Variants in MRPL13 observed in about 807,000 individuals in gnomAD.
The protein encoded by MRPL13 is large ribosomal subunit protein uL13m.
Under a neutral mutation model 29.0 loss-of-function variants are expected in MRPL13, and 33 were observed. The ratio of observed to expected loss-of-function variants is 1.14; its 90% confidence interval spans 0.86 to 1.52. The LOEUF is 1.52. Among genes scored for constraint, MRPL13 ranks in the 40% most tolerant of loss-of-function variants. The pLI is 0.00. For missense variants in MRPL13, 227 were observed against 216.7 expected, an observed-to-expected ratio of 1.05 and a Z score of -0.30; for synonymous variants, 77 against 68.4, an observed-to-expected ratio of 1.13 and a Z score of -0.62.
At chr8:120,438,883 T>A (rs571678245) in intron 2 of MRPL13, among the ~76,000 whole-genome samples, 2 of 152,368 alleles carry the variant, frequency 1.3e-5, no homozygotes, top group South Asian at 4.1e-4. Flanking sequence ...AACAACTCTA[T>A]AAATCGGTAA....
intron 6 of MRPL13, among the ~76,000 whole-genome samples, chr8:120,409,690 G>A (rs1586919521): frequency 6.6e-6 from 1 of 152,076 alleles, no homozygotes; most frequent in Admixed American, 6.6e-5. Flanking sequence ...CAAAATTTAT[G>A]TATCCATGAT....
At chr8:120,434,027 A>G (rs1344586373) in intron 2 of MRPL13, among the ~76,000 whole-genome samples, 2 of 152,096 alleles carry the variant, frequency 1.3e-5, no homozygotes, top group Non-Finnish European at 2.9e-5. Context: ...TTCTAACCTT[A>G]AACTTCTAAC....
chr8:120,407,094 C>T (rs1276379131), intron 6 of MRPL13, among the ~76,000 whole-genome samples: 1 of 152,148 alleles, frequency 6.6e-6, no homozygotes, highest in Non-Finnish European at 1.5e-5. Flanking sequence ...CTGCCTGCTA[C>T]TCATTAGATG....
intron 5 of MRPL13, chr8:120,415,300 T>C (rs901761036): frequency 2.0e-5 from 3 of 152,202 alleles, no homozygotes; most frequent in African/African-American, 4.8e-5. Flanking sequence ...CTTCTCATTA[T>C]AGTATGTGTA....
chr8:120,422,239 T>C (rs1321303108), intron 4 of MRPL13, among the ~76,000 whole-genome samples: 1 of 151,766 alleles, frequency 6.6e-6, no homozygotes, highest in Non-Finnish European at 1.5e-5. Context: ...TTTTTATTAT[T>C]TTAGGGAAAC....
At chr8:120,420,509 A>G (rs527488696) in intron 4 of MRPL13, among the ~76,000 whole-genome samples, 8 of 148,002 alleles carry the variant, frequency 5.4e-5, no homozygotes, top group Non-Finnish European at 1.0e-4. Flanking sequence ...ATATATATAT[A>G]TTTATGTTGT....
At chr8:120,416,325 T>C (rs910416087) in intron 5 of MRPL13, among the ~76,000 whole-genome samples, 2 of 151,958 alleles carry the variant, frequency 1.3e-5, no homozygotes, top group Admixed American at 1.3e-4. Context: ...AAACCCCGTC[T>C]CTACTAAAAA....
chr8:120,430,874 A>C lies in MRPL13; in HGVS notation c.245+1156T>G, dbSNP rs189848657. On this transcript the variant is annotated intron_variant, in intron 3 of 6. Transcript: ENST00000306185. Reference sequence around the variant, plus strand: ...TGCAGTAATACTACATATTATTGCTATAGTAATTACCATAGCATTTTGTGT... The same window carrying C: ...TGCAGTAATACTACATATTATTGCTCTAGTAATTACCATAGCATTTTGTGT... 2.4e-3 allele frequency among the ~76,000 whole-genome samples: 362 copies of C among 152,302 alleles called. 5 individuals carry two copies. The highest frequency in any genetic ancestry group is 0.021 in the Admixed American group (318 of 15,290).
chr8:120,398,719 C>T (rs1296157101), intron 6 of MRPL13, among the ~76,000 whole-genome samples: 1 of 152,128 alleles, frequency 6.6e-6, no homozygotes, highest in Non-Finnish European at 1.5e-5. Flanking sequence ...GCTAAAGGAG[C>T]ATGCTGTAAC....
At chr8:120,436,472 T>G (rs954601449) in intron 2 of MRPL13, among the ~76,000 whole-genome samples, 1 of 152,188 alleles carries the variant, frequency 6.6e-6, no homozygotes, top group African/African-American at 2.4e-5. Context: ...CATCTGTTCA[T>G]GTATTCTGCC....
intron 6 of MRPL13, among the ~76,000 whole-genome samples, chr8:120,412,382 A>G (rs1812748640): frequency 6.6e-6 from 1 of 152,208 alleles, no homozygotes; most frequent in Admixed American, 6.5e-5. Context: ...TAGCAAAAAA[A>G]TTCTCCTATT....
intron 6 of MRPL13, among the ~76,000 whole-genome samples, chr8:120,396,884 T>G (rs1281700001): frequency 6.6e-6 from 1 of 152,220 alleles, no homozygotes; most frequent in East Asian, 1.9e-4. Flanking sequence ...GATGACTGAT[T>G]AGAAGCAGCT....
At chr8:120,439,096 T>C (rs985284050) in intron 2 of MRPL13, among the ~76,000 whole-genome samples, 1 of 152,240 alleles carries the variant, frequency 6.6e-6, no homozygotes, top group Non-Finnish European at 1.5e-5. Context: ...TTTGCAGTCA[T>C]TCATGGACAT....
intron 6 of MRPL13, among the ~76,000 whole-genome samples, chr8:120,407,198 A>T (rs566308139): frequency 1.2e-4 from 18 of 152,354 alleles, no homozygotes; most frequent in Non-Finnish European, 2.2e-4. Context: ...AGAAGTCAAA[A>T]CATTTATATT....
intron 3 of MRPL13, among the ~76,000 whole-genome samples, chr8:120,430,041 C>G (rs1812980574): frequency 6.6e-6 from 1 of 152,160 alleles, no homozygotes; most frequent in Non-Finnish European, 1.5e-5. Flanking sequence ...GCAGGCAGAT[C>G]ACCTGATGTC....
chr8:120,407,247 G>A (rs1216752416), intron 6 of MRPL13, among the ~76,000 whole-genome samples: 2 of 151,998 alleles, frequency 1.3e-5, no homozygotes, highest in Non-Finnish European at 2.9e-5. Context: ...CTTAACATTA[G>A]GAAAAAACTT....
intron 3 of MRPL13, among the ~76,000 whole-genome samples, chr8:120,425,612 T>C (rs1035960187): frequency 6.6e-6 from 1 of 152,208 alleles, no homozygotes; most frequent in African/African-American, 2.4e-5. Context: ...TATTTCTATC[T>C]GAATTGTAAG....
At chr8:120,397,633 A>C (rs367702017) in intron 6 of MRPL13, among the ~76,000 whole-genome samples, 35 of 151,906 alleles carry the variant, frequency 2.3e-4, no homozygotes, top group African/African-American at 7.7e-4. Context: ...GTGGGACCCT[A>C]ATCCATCCCT....
chr8:120,423,512 G>T (rs1015779948), intron 4 of MRPL13, among the ~76,000 whole-genome samples: 1 of 151,940 alleles, frequency 6.6e-6, no homozygotes, highest in Non-Finnish European at 1.5e-5. Context: ...TACACATAAA[G>T]AAACAATTAA....
Sources: allele counts gnomAD v4.1 joint callset (sites outside exome capture counted in the v4.1 genomes callset), GRCh38; gene constraint gnomAD v4.1.1; transcripts MANE v1.5; gene names NCBI Gene and HGNC (gene_info 2026-07-23, HGNC 2026-07-21).